SNTG1: variants seen among roughly 807,000 people sequenced by gnomAD.
SNTG1 encodes the protein gamma-1-syntrophin.
In SNTG1, 39 loss-of-function variants were observed where a neutral mutation model predicts 74.7. That is an observed-to-expected ratio of 0.52 (90% confidence interval 0.40 to 0.68). The LOEUF is 0.68. Ranked by LOEUF, SNTG1 falls within the 30% of genes least tolerant of loss-of-function variation. The pLI is 0.00. For synonymous variants in SNTG1, 254 were observed against 217.1 expected (o/e 1.17, Z -1.49); for missense variants, 685 against 609.5 (o/e 1.12, Z -1.30).
intron 13 of SNTG1, among the ~76,000 whole-genome samples, chr8:50,599,345 G>T (rs1157811923): frequency 6.6e-6 from 1 of 151,852 alleles, no homozygotes; most frequent in African/African-American, 2.4e-5. Context: ...GTTTATTCTG[G>T]ATATTTTGTG....
chr8:50,547,682 A>G (rs1308308037), intron 11 of SNTG1, among the ~76,000 whole-genome samples: 1 of 152,180 alleles, frequency 6.6e-6, no homozygotes, highest in African/African-American at 2.4e-5. Context: ...AACAATAAAA[A>G]TAAAAAGAAA....
rs561726860 is a variant in SNTG1 at position 50,501,604 on chromosome 8, T to C, written c.364-1174T>C. On this transcript the variant is annotated intron_variant, in intron 8 of 18. Transcript: ENST00000642720. ...ACGCCTGCCACGAAGACCGGTTATT[T>C]TTTTTTATTTTTTTTTTTTTTTTTT... Among the ~76,000 whole-genome samples the C allele has an allele frequency of 3.3e-4, 42 of 128,076 alleles. 2 individuals are homozygous for C. Among genetic ancestry groups the C allele is most frequent in the Admixed American group, 2.1e-4 (3 of 14,126 alleles). The allele number at this position is 128,076 out of a possible 152,430, so 84.0% of individuals were successfully genotyped here.
chr8:50,290,053 T>A (rs1197047345), intron 2 of SNTG1, among the ~76,000 whole-genome samples: 1 of 152,158 alleles, frequency 6.6e-6, no homozygotes, highest in Non-Finnish European at 1.5e-5. Context: ...GATTCTTCAG[T>A]TCCTTCAGTG....
chr8:50,068,034 T>C (rs985016583), intron 1 of SNTG1, among the ~76,000 whole-genome samples: 5 of 152,212 alleles, frequency 3.3e-5, no homozygotes, highest in African/African-American at 1.2e-4. Flanking sequence ...ACAAAATACC[T>C]AGGAAAGCTT....
chr8:50,749,215 C>A (rs2095561783), intron 17 of SNTG1, among the ~76,000 whole-genome samples: 2 of 151,966 alleles, frequency 1.3e-5, no homozygotes. Context: ...TAGATCAAAC[C>A]AGCCACAACA....
At chr8:50,021,221 A>T (rs1342245837) in intron 1 of SNTG1, among the ~76,000 whole-genome samples, 6 of 152,200 alleles carry the variant, frequency 3.9e-5, no homozygotes, top group African/African-American at 1.2e-4. Context: ...TGAAAGAGCT[A>T]TAAGTTATAT....
At chr8:50,275,185 T>C (rs1387791827) in intron 2 of SNTG1, among the ~76,000 whole-genome samples, 3 of 152,204 alleles carry the variant, frequency 2.0e-5, no homozygotes, top group Non-Finnish European at 4.4e-5. Context: ...CCAGGTCTGG[T>C]ATTTTAAAAA....
chr8:50,170,801 G>A (rs982977839), intron 1 of SNTG1, among the ~76,000 whole-genome samples: 12 of 152,092 alleles, frequency 7.9e-5, no homozygotes, highest in African/African-American at 2.7e-4. Flanking sequence ...TAGGACTGAG[G>A]TCCCCACATT....
intron 1 of SNTG1, among the ~76,000 whole-genome samples, chr8:50,065,219 A>T (rs1239573294): frequency 1.3e-5 from 2 of 152,204 alleles, no homozygotes; most frequent in Admixed American, 6.5e-5. Flanking sequence ...TTGCATAGTT[A>T]ATAAAATGTG....
At chr8:50,199,561 G>A (rs1306807554) in intron 2 of SNTG1, among the ~76,000 whole-genome samples, 4 of 152,064 alleles carry the variant, frequency 2.6e-5, no homozygotes, top group Non-Finnish European at 5.9e-5. Flanking sequence ...ATCAACCAAC[G>A]TGGAGTTGAG....
Position 50,331,567 on chromosome 8 carries a change from G to A in SNTG1, c.-27-62645G>A, listed in dbSNP as rs188389195. Among the ~76,000 whole-genome samples, 12 of 152,288 alleles carry A rather than the reference G, an allele frequency of 7.9e-5. No homozygotes were observed. In the East Asian group the frequency reaches 1.2e-3, roughly 15 times the overall value. On this transcript the variant is annotated intron_variant, in intron 2 of 18. Coordinates refer to ENST00000642720, the MANE Select transcript of SNTG1 (RefSeq NM_018967.5). Reference sequence around the variant, plus strand: ...TTTTCCATTTCAGTCTAAATTTACCGAGAAGCCATTGGCAATATTCAAGCA... The same window carrying A: ...TTTTCCATTTCAGTCTAAATTTACCAAGAAGCCATTGGCAATATTCAAGCA...
intron 15 of SNTG1, among the ~76,000 whole-genome samples, chr8:50,695,375 T>C (rs943798845): frequency 5.3e-5 from 8 of 151,984 alleles, no homozygotes; most frequent in African/African-American, 9.7e-5. Flanking sequence ...CAATAGACTG[T>C]TTCTGACAGT....
At chr8:50,374,899 A>C (rs1407130684) in intron 2 of SNTG1, among the ~76,000 whole-genome samples, 1 of 152,174 alleles carries the variant, frequency 6.6e-6, no homozygotes, top group Non-Finnish European at 1.5e-5. Context: ...ATAAATAAAA[A>C]TGTTTTCATC....
intron 17 of SNTG1, among the ~76,000 whole-genome samples, chr8:50,739,740 A>G (rs1317671747): frequency 1.3e-5 from 2 of 152,064 alleles, no homozygotes; most frequent in Admixed American, 6.6e-5. Flanking sequence ...ACAGGGCTAT[A>G]GTAACCAAAA....
At position 50,536,695 on chromosome 8, in the gene SNTG1, G is replaced by T. The variant is rs768474286; in HGVS notation, c.567G>T (p.Ser189=). Residue 189 remains serine, a synonymous_variant, in exon 11 of 19, where the codon TCG becomes TCT. Coordinates refer to ENST00000642720, the MANE Select transcript of SNTG1 (RefSeq NM_018967.5). ...CCTTTCAGGACACATTATCATGCTC[G>T]TCGTGGCCGACGTCTCCAGGCTTGA... ...HPNNTDTLSC[S]SWPTSPGLRW... 9 of 1,613,736 alleles carry T rather than the reference G, an allele frequency of 5.6e-6. No individual in the cohort carries two copies. The highest frequency in any genetic ancestry group is 7.6e-6 in the Non-Finnish European group (9 of 1,179,800).
chr8:50,649,364 T>C (rs773600961), intron 13 of SNTG1, among the ~76,000 whole-genome samples: 6 of 152,120 alleles, frequency 3.9e-5, no homozygotes, highest in African/African-American at 1.4e-4. Flanking sequence ...CCGGACGTTA[T>C]GGTGCGTGCC....
intron 18 of SNTG1, among the ~76,000 whole-genome samples, chr8:50,769,352 T>TTA (rs2095621635): frequency 6.6e-6 from 1 of 152,028 alleles, no homozygotes; most frequent in African/African-American, 2.4e-5. Flanking sequence ...AAATAAATTT[T>TTA]TAGTAAGTGA....
intron 10 of SNTG1, among the ~76,000 whole-genome samples, chr8:50,531,437 C>T (rs973586017): frequency 6.6e-6 from 1 of 151,924 alleles, no homozygotes; most frequent in African/African-American, 2.4e-5. Context: ...ATACAGGTTT[C>T]CTAATGAAAA....
At chr8:49,948,988 A>C (rs1307323587) in intron 1 of SNTG1, among the ~76,000 whole-genome samples, 3 of 152,174 alleles carry the variant, frequency 2.0e-5, no homozygotes, top group Non-Finnish European at 2.9e-5. Context: ...CGCCTTCCAC[A>C]GGAGAGGTGC....
Sources: allele counts gnomAD v4.1 joint callset (sites outside exome capture counted in the v4.1 genomes callset), GRCh38; gene constraint gnomAD v4.1.1; transcripts MANE v1.5; gene names NCBI Gene and HGNC (gene_info 2026-07-23, HGNC 2026-07-21).